Variants in KCNQ1 observed in about 807,000 individuals in gnomAD.
The protein encoded by KCNQ1 is potassium voltage-gated channel subfamily Q member 1.
In KCNQ1, 49 loss-of-function variants were observed where a neutral mutation model predicts 72.4. The observed-to-expected ratio is 0.68, with a 90% CI of 0.54 to 0.86. The LOEUF (loss-of-function observed/expected upper bound fraction) is 0.86, where lower values mean the gene tolerates loss of function less well. Ranked by LOEUF, KCNQ1 falls within the 40% of genes least tolerant of loss-of-function variation. The pLI is 0.00. For missense variants in KCNQ1, 790 were observed against 945.1 expected, an observed-to-expected ratio of 0.84 and a Z score of 2.15; for synonymous variants, 450 against 412.6, an observed-to-expected ratio of 1.09 and a Z score of -1.10.
At position 2,481,300 on chromosome 11, in the gene KCNQ1, C is replaced by A. The variant is rs1180020407; in HGVS notation, c.386+35816C>A. Among the ~76,000 whole-genome samples, 1 of 152,150 alleles carries A rather than the reference C, an allele frequency of 6.6e-6. No homozygotes were observed. Among genetic ancestry groups the A allele is most frequent in the Admixed American group, 6.6e-5 (1 of 15,258 alleles). Reference sequence around the variant, plus strand: ...AAGAAAAGTAAAATGACTCATCGTACCAAAAGCCAGAGATGCCAGCTTTTA... The same window carrying A: ...AAGAAAAGTAAAATGACTCATCGTAACAAAAGCCAGAGATGCCAGCTTTTA... On this transcript the variant is annotated intron_variant, in intron 1 of 15. Coordinates refer to ENST00000155840, the MANE Select transcript of KCNQ1 (RefSeq NM_000218.3). The surrounding 1 kb of genome is among the most constrained non-coding windows in gnomAD (Gnocchi z 4.6).
At position 2,727,995 on chromosome 11, in the gene KCNQ1, G is replaced by A. The variant is rs139392729; in HGVS notation, c.1515-40849G>A. Among the ~76,000 whole-genome samples the A allele has an allele frequency of 4.8e-3, 725 of 152,202 alleles. 5 individuals carry two copies. Among genetic ancestry groups the A allele is most frequent in the Non-Finnish European group, 7.5e-3 (511 of 67,996 alleles). ...AATCTAACCCTCTTACCCTGCGTGAGGTTCATGTGACCGCTCCCGCTCACC... is the reference window on the plus strand; with the variant it reads ...AATCTAACCCTCTTACCCTGCGTGAAGTTCATGTGACCGCTCCCGCTCACC... On this transcript the variant is annotated intron_variant, in intron 11 of 15. Transcript: ENST00000155840.
chr11:2,671,250 G>T lies in KCNQ1; in HGVS notation c.1514+9169G>T. ...GAGTCCAGGTCTGACCTCAAAATCC[G>T]ATGTCCCCACCATCCCCAGCCCCTT... On this transcript the variant is annotated intron_variant, in intron 11 of 15. Coordinates refer to ENST00000155840, the MANE Select transcript of KCNQ1 (RefSeq NM_000218.3). This position sits in a 1 kb window ranked among gnomAD's most constrained non-coding sequence, Gnocchi z 4.7. 2.5e-6 allele frequency: 1 copy of T among 398,572 alleles called. No individual in the cohort carries two copies. Among genetic ancestry groups the T allele is most frequent in the Non-Finnish European group, 4.4e-6 (1 of 226,072 alleles). 24.7% of individuals were successfully genotyped at this position (398,572 alleles called of 1,614,324 possible). A position where few individuals can be genotyped will look rare whatever the true frequency, so the allele number is the denominator to read the frequency against.
chr11:2,768,271 TA>T lies in KCNQ1; in HGVS notation c.1515-569del, dbSNP rs767087255. Among the ~76,000 whole-genome samples, 1 of 152,252 alleles carries T rather than the reference TA, an allele frequency of 6.6e-6. No individual in the cohort carries two copies. The highest frequency in any genetic ancestry group is 6.5e-5 in the Admixed American group (1 of 15,292). On this transcript the variant is annotated intron_variant, in intron 11 of 15. Transcript: ENST00000155840. The surrounding 1 kb of genome is among the most constrained non-coding windows in gnomAD (Gnocchi z 6.7). ...TTGTTTCCTTTTGTGATGCTGTTTC[TA>T]AAAGGATCTTTATTTCTAGAAGAAA...
chr11:2,692,502 C>T (rs1850605486), intron 11 of KCNQ1: 1 of 398,632 alleles, frequency 2.5e-6, no homozygotes, highest in African/African-American at 2.1e-5. Context: ...GGCTTCTTTC[C>T]ATCCCAGGTG....
intron 10 of KCNQ1, chr11:2,655,155 G>A (rs1590009832): frequency 5.0e-6 from 2 of 398,574 alleles, no homozygotes; most frequent in East Asian, 7.1e-5. Context: ...GCTGTGCTGA[G>A]TTTGATTCCT....
intron 1 of KCNQ1, among the ~76,000 whole-genome samples, chr11:2,512,363 G>A (rs919408126): frequency 9.2e-5 from 14 of 152,128 alleles, no homozygotes; most frequent in African/African-American, 3.1e-4. Context: ...CCCCCGAGAT[G>A]GGCAGCCAGG....
intron 1 of KCNQ1, among the ~76,000 whole-genome samples, chr11:2,448,060 C>T (rs1026700191): frequency 1.3e-5 from 2 of 152,226 alleles, no homozygotes; most frequent in Admixed American, 6.5e-5. Context: ...TTGCTTGCGC[C>T]CCCACTGGGG....
chr11:2,648,981 CTTTTTTTTT>C lies in KCNQ1; in HGVS notation c.1394-12965_1394-12957del. 4.0e-4 allele frequency: 125 copies of C among 313,704 alleles called. No homozygotes were observed. In the South Asian group the frequency reaches 6.9e-3, roughly 17 times the overall value. The allele number at this position is 313,704 out of a possible 1,614,324, so 19.4% of individuals were successfully genotyped here. A position where few individuals can be genotyped will look rare whatever the true frequency, so the allele number is the denominator to read the frequency against. ...CCTCCTTTGTCTCTTTTTTCTTTTT[CTTTTTTTTT>C]TTTTTTTTTTTTTTGACTCAGTATT... On this transcript the variant is annotated intron_variant, in intron 10 of 15. Transcript: ENST00000155840.
In KCNQ1 at chr11:2,781,753, C is replaced by A. The variant is rs1590085268; in HGVS notation, c.1794+3716C>A. Among the ~76,000 whole-genome samples, 2 of 152,194 alleles carry A rather than the reference C, an allele frequency of 1.3e-5. No individual in the cohort carries two copies. Among genetic ancestry groups the A allele is most frequent in the East Asian group, 1.9e-4 (1 of 5,200 alleles). ...TTGCTGATATGAGGAGCACAGTGGG[C>A]TGGGAGAGTTTCTTTCTTCTCTGTT... On this transcript the variant is annotated intron_variant, in intron 15 of 15. Coordinates refer to ENST00000155840, the MANE Select transcript of KCNQ1 (RefSeq NM_000218.3). This position sits in a 1 kb window ranked among gnomAD's most constrained non-coding sequence, Gnocchi z 6.6.
rs1259411683 is a variant in KCNQ1 at position 2,690,251 on chromosome 11, A to G, written c.1514+28170A>G. On this transcript the variant is annotated intron_variant, in intron 11 of 15. Transcript: ENST00000155840. This position sits in a 1 kb window ranked among gnomAD's most constrained non-coding sequence, Gnocchi z 5.1. ...TCAAGCAAGTCATTCCATGTGGCTG[A>G]GCTGCTCCTTGCTGCATCTGCACAT... The G allele has an allele frequency of 2.5e-6, 1 of 398,782 alleles. No individual in the cohort carries two copies. The highest frequency in any genetic ancestry group is 3.6e-5 in the East Asian group (1 of 28,088). 24.7% of individuals were successfully genotyped at this position (398,782 alleles called of 1,614,324 possible). A position where few individuals can be genotyped will look rare whatever the true frequency, so the allele number is the denominator to read the frequency against.
intron 1 of KCNQ1, among the ~76,000 whole-genome samples, chr11:2,455,484 T>C (rs892537545): frequency 2.6e-5 from 4 of 152,078 alleles, no homozygotes; most frequent in African/African-American, 9.7e-5. Flanking sequence ...ACAAAAAGAA[T>C]AAAATACCCA....
chr11:2,605,754 T>C (rs1848869868), intron 10 of KCNQ1, among the ~76,000 whole-genome samples: 1 of 152,240 alleles, frequency 6.6e-6, no homozygotes, highest in South Asian at 2.1e-4. Flanking sequence ...ATTGTTGCTA[T>C]TCTGGGTCCT....
At chr11:2,590,110 A>G (rs956130882) in intron 10 of KCNQ1, among the ~76,000 whole-genome samples, 1 of 152,106 alleles carries the variant, frequency 6.6e-6, no homozygotes, top group Non-Finnish European at 1.5e-5. Context: ...CTTAAAACCA[A>G]ATGTGAAGGA....
intron 11 of KCNQ1, among the ~76,000 whole-genome samples, chr11:2,716,614 T>C (rs1223313789): frequency 6.6e-6 from 1 of 152,100 alleles, no homozygotes; most frequent in East Asian, 1.9e-4. Context: ...TGGAATTCCA[T>C]TCCCTGCCTC....
chr11:2,478,710 C>A lies in KCNQ1; in HGVS notation c.386+33226C>A, dbSNP rs574601857. ...CCAAACCATATCATTCCACCCCGGC[C>A]CCTCCCTAATCTCATGTCCTCACAT... On this transcript the variant is annotated intron_variant, in intron 1 of 15. Coordinates refer to ENST00000155840, the MANE Select transcript of KCNQ1 (RefSeq NM_000218.3). The surrounding 1 kb of genome is among the most constrained non-coding windows in gnomAD (Gnocchi z 4.0). Among the ~76,000 whole-genome samples, 51 of 152,224 alleles carry A rather than the reference C, an allele frequency of 3.4e-4. No homozygotes were observed. The highest frequency in any genetic ancestry group is 6.8e-3 in the Middle Eastern group (2 of 294).
intron 15 of KCNQ1, among the ~76,000 whole-genome samples, chr11:2,794,467 A>T (rs1400222119): frequency 6.6e-6 from 1 of 152,020 alleles, no homozygotes; most frequent in Non-Finnish European, 1.5e-5. Flanking sequence ...GGAGTGAGAG[A>T]GATGGGAAGG....
intron 11 of KCNQ1, chr11:2,667,208 C>T (rs934311335): frequency 6.4e-4 from 256 of 398,688 alleles, no homozygotes; most frequent in Non-Finnish European, 1.3e-5. Flanking sequence ...CCCCCGTGGC[C>T]CCCTAACCTT....
chr11:2,470,237 A>G (rs900694194), intron 1 of KCNQ1, among the ~76,000 whole-genome samples: 2 of 152,196 alleles, frequency 1.3e-5, no homozygotes, highest in African/African-American at 4.8e-5. Context: ...ACGTGAGGGC[A>G]CGCCCAGGAA....
intron 10 of KCNQ1, chr11:2,631,197 T>C (rs1564839111): frequency 5.0e-6 from 2 of 398,364 alleles, no homozygotes; most frequent in Non-Finnish European, 8.8e-6. Context: ...CCTCTCTACT[T>C]TCCTTCTATA....
Sources: allele counts gnomAD v4.1 joint callset (sites outside exome capture counted in the v4.1 genomes callset), GRCh38; gene constraint gnomAD v4.1.1; non-coding constraint Gnocchi (gnomAD v3.1); transcripts MANE v1.5; gene names NCBI Gene and HGNC (gene_info 2026-07-23, HGNC 2026-07-21).